The following STK3 variants were observed in gnomAD, a reference collection of about 807,000 sequenced individuals.
STK3 encodes serine/threonine-protein kinase 3.
A neutral mutation model predicts 58.0 loss-of-function variants in STK3; 41 were observed. The observed-to-expected ratio is 0.71, with a 90% CI of 0.55 to 0.92. STK3 has a LOEUF of 0.92. Ranked by LOEUF, STK3 falls within the 40% of genes least tolerant of loss-of-function variation. STK3 has a pLI of 0.00. For synonymous variants in STK3, 170 were observed against 191.0 expected, an observed-to-expected ratio of 0.89 and a Z score of 0.91; for missense variants, 479 against 602.7, an observed-to-expected ratio of 0.79 and a Z score of 2.15.
downstream of STK3, among the ~76,000 whole-genome samples, chr8:98,398,882 AT>A (rs1817919643): frequency 2.0e-5 from 3 of 152,218 alleles, no homozygotes; most frequent in African/African-American, 7.2e-5. Context: ...ACAGCGTTAA[AT>A]CCCGTGAGTT....
At chr8:98,614,058 C>A in intron 6 of STK3, among the ~76,000 whole-genome samples, 1 of 151,914 alleles carries the variant, frequency 6.6e-6, no homozygotes, top group African/African-American at 2.4e-5. Context: ...AAAACTAAAA[C>A]TTGAAAGGAG....
At chr8:98,586,424 G>C (rs955665646) in intron 7 of STK3, among the ~76,000 whole-genome samples, 1 of 150,688 alleles carries the variant, frequency 6.6e-6, no homozygotes, top group Non-Finnish European at 1.5e-5. Flanking sequence ...TATTGAACCA[G>C]CCTTGCATCC....
At chr8:98,501,390 C>A (rs191597453) in intron 10 of STK3, among the ~76,000 whole-genome samples, 1 of 152,194 alleles carries the variant, frequency 6.6e-6, no homozygotes, top group African/African-American at 2.4e-5. Context: ...TTTTGCTGTG[C>A]AGAAGCTCTT....
chr8:98,431,144 A>T (rs1028774158), intron 3 of STK3: 1 of 167,130 alleles, frequency 6.0e-6, no homozygotes, highest in Non-Finnish European at 1.5e-5. Flanking sequence ...AGTTGATTGA[A>T]GATGATACTT....
chr8:98,854,931 C>T (rs1418791864), intron 3 of STK3, among the ~76,000 whole-genome samples: 1 of 152,112 alleles, frequency 6.6e-6, no homozygotes, highest in Non-Finnish European at 1.5e-5. Context: ...GTGGTGTGCA[C>T]CTGTAATCCC....
chr8:98,696,562 A>T (rs1233070021), intron 6 of STK3, among the ~76,000 whole-genome samples: 1 of 152,180 alleles, frequency 6.6e-6, no homozygotes, highest in Non-Finnish European at 1.5e-5. Flanking sequence ...AGTTTTTAGC[A>T]TGAAGCATTG....
chr8:98,483,298 C>T lies in STK3; in HGVS notation c.1318-27298G>A, dbSNP rs562994249. 9.2e-5 allele frequency among the ~76,000 whole-genome samples: 14 copies of T among 152,332 alleles called. No individual in the cohort carries two copies. In the East Asian group the frequency reaches 2.5e-3, roughly 27 times the overall value. ...ACATAAATAAAGGCAGTAACAAACA[C>T]TTAATTTTGGATTAGTGATGTCACA... On this transcript the variant is annotated intron_variant, in intron 10 of 10. Coordinates refer to ENST00000419617, the MANE Select transcript of STK3 (RefSeq NM_006281.4).
intron 10 of STK3, among the ~76,000 whole-genome samples, chr8:98,477,829 G>A (rs930428023): frequency 1.7e-4 from 25 of 150,710 alleles, no homozygotes; most frequent in Non-Finnish European, 2.9e-4. Flanking sequence ...ATGAACGTTT[G>A]GTGGGGTCAG....
At chr8:98,925,801 G>T (rs1376293302) in intron 1 of STK3, among the ~76,000 whole-genome samples, 1 of 152,152 alleles carries the variant, frequency 6.6e-6, no homozygotes, top group African/African-American at 2.4e-5. Context: ...GGAACCCGCT[G>T]CAGCTGCAAC....
At chr8:98,566,218 A>G (rs1316076931) in intron 8 of STK3, among the ~76,000 whole-genome samples, 1 of 152,180 alleles carries the variant, frequency 6.6e-6, no homozygotes, top group Non-Finnish European at 1.5e-5. Context: ...AGATTTGTTT[A>G]TAATAGTTAC....
chr8:98,816,011 T>A (rs941072098), intron 1 of STK3, among the ~76,000 whole-genome samples: 3 of 152,128 alleles, frequency 2.0e-5, no homozygotes, highest in Non-Finnish European at 4.4e-5. Flanking sequence ...TCACAATGCC[T>A]AAGGGATCGA....
At chr8:98,360,376 T>C in the STK3 span, among the ~76,000 whole-genome samples, 1 of 152,182 alleles carries the variant, frequency 6.6e-6, no homozygotes, top group Non-Finnish European at 1.5e-5. Flanking sequence ...TCCACAAAGG[T>C]GGGACCTTCT....
At chr8:98,675,713 A>T (rs765107304) in intron 6 of STK3, among the ~76,000 whole-genome samples, 4 of 152,028 alleles carry the variant, frequency 2.6e-5, no homozygotes, top group Non-Finnish European at 4.4e-5. Context: ...ATAACAAAAA[A>T]CTAGCCAGAC....
intron 10 of STK3, among the ~76,000 whole-genome samples, chr8:98,457,975 A>G (rs534007791): frequency 2.8e-4 from 43 of 152,302 alleles, no homozygotes; most frequent in African/African-American, 1.0e-3. Flanking sequence ...AATTTGTGAA[A>G]AACAGGTCTG....
chr8:98,818,794 G>A (rs1323943272), intron 1 of STK3, among the ~76,000 whole-genome samples: 2 of 151,828 alleles, frequency 1.3e-5, no homozygotes, highest in Non-Finnish European at 2.9e-5. Flanking sequence ...TCTTCATGTC[G>A]ATATTCACGG....
intron 2 of STK3, among the ~76,000 whole-genome samples, chr8:98,376,397 C>A (rs1817674997): frequency 6.6e-6 from 1 of 152,126 alleles, no homozygotes; most frequent in African/African-American, 2.4e-5. Flanking sequence ...TTAGCTGTGT[C>A]TGTCTCAGAG....
chr8:98,805,113 G>C (rs1311165086), intron 1 of STK3, among the ~76,000 whole-genome samples: 2 of 152,152 alleles, frequency 1.3e-5, no homozygotes, highest in Non-Finnish European at 2.9e-5. Flanking sequence ...AATAATTCAA[G>C]AGATATTTCA....
intron 10 of STK3, chr8:98,526,432 A>G (rs1281462529): frequency 1.2e-5 from 2 of 169,808 alleles, no homozygotes; most frequent in African/African-American, 4.7e-5. Flanking sequence ...AGTATCTCAT[A>G]TTTGCATTAT....
chr8:98,731,547 G>A (rs985723451), intron 4 of STK3, among the ~76,000 whole-genome samples: 9 of 151,902 alleles, frequency 5.9e-5, no homozygotes, highest in Non-Finnish European at 8.8e-5. Flanking sequence ...ATGAAACTCC[G>A]TCTCTACTAA....
Sources: gnomAD v4.1 joint callset for allele counts (sites outside exome capture counted in the v4.1 genomes callset) on GRCh38, gnomAD v4.1.1 for gene constraint, MANE v1.5 for transcripts, NCBI Gene and HGNC (gene_info 2026-07-23, HGNC 2026-07-21) for gene names.